Variants in RABGAP1L observed in about 807,000 individuals in gnomAD.
The protein encoded by RABGAP1L is RAB GTPase activating protein 1 like, also known as rab GTPase-activating protein 1-like.
Under a neutral mutation model 137.7 loss-of-function variants are expected in RABGAP1L, and 63 were observed. That is an observed-to-expected ratio of 0.46 (90% CI 0.37 to 0.56). The LOEUF (loss-of-function observed/expected upper bound fraction) is 0.56. RABGAP1L is among the 20% of genes least tolerant of loss of function. The probability of loss-of-function intolerance (pLI) is 0.00; values close to 1 mark genes in which losing one functional copy is unlikely to be tolerated. For synonymous variants in RABGAP1L, 431 were observed against 433.7 expected, an observed-to-expected ratio of 0.99 and a Z score of 0.08; for missense variants, 1,095 against 1,244.0, an observed-to-expected ratio of 0.88 and a Z score of 1.80.
intron 1 of RABGAP1L, among the ~76,000 whole-genome samples, chr1:174,203,593 CT>C (rs1468957434): frequency 6.6e-6 from 1 of 152,050 alleles, no homozygotes; most frequent in Non-Finnish European, 1.5e-5. Flanking sequence ...TGTTCAGGTT[CT>C]TTTTTTGGTT....
chr1:174,339,423 T>C (rs1351379764), intron 11 of RABGAP1L, among the ~76,000 whole-genome samples: 1 of 152,174 alleles, frequency 6.6e-6, no homozygotes, highest in Non-Finnish European at 1.5e-5. Flanking sequence ...GTTGTCAGTA[T>C]TCAGGGCTAT....
At chr1:174,397,277 A>C (rs1221776938) in intron 13 of RABGAP1L, among the ~76,000 whole-genome samples, 2 of 152,234 alleles carry the variant, frequency 1.3e-5, no homozygotes, top group African/African-American at 2.4e-5. Flanking sequence ...ACTTTCTGCC[A>C]GTGAAGATTG....
chr1:174,420,995 A>T (rs10798313), intron 13 of RABGAP1L, among the ~76,000 whole-genome samples: 2 of 151,978 alleles, frequency 1.3e-5, no homozygotes, highest in African/African-American at 2.4e-5. Context: ...TTTATAGGGC[A>T]TGAAGCTTAT....
At chr1:174,590,506 C>G (rs568925519) in intron 13 of RABGAP1L, among the ~76,000 whole-genome samples, 1 of 94,308 alleles carries the variant, frequency 1.1e-5, no homozygotes, top group Non-Finnish European at 2.0e-5. Flanking sequence ...CCCCCTCCCC[C>G]GACCCCACCA....
intron 3 of RABGAP1L, among the ~76,000 whole-genome samples, chr1:174,230,438 G>A (rs12076453): frequency 0.37 from 56,324 of 152,036 alleles, 12,736 homozygotes; most frequent in African/African-American, 0.63. Context: ...TTATGCATTC[G>A]TCTTAGTGTA....
intron 18 of RABGAP1L, among the ~76,000 whole-genome samples, chr1:174,779,617 A>C (rs914765953): frequency 6.6e-6 from 1 of 152,280 alleles, no homozygotes; most frequent in Non-Finnish European, 1.5e-5. Context: ...CAAGGTTTGA[A>C]GTAGTTTGGA....
intron 10 of RABGAP1L, among the ~76,000 whole-genome samples, chr1:174,293,018 C>A (rs1317531008): frequency 6.6e-6 from 1 of 152,000 alleles, no homozygotes; most frequent in Non-Finnish European, 1.5e-5. Flanking sequence ...GGTGGTGGAC[C>A]AGGAATTGAA....
At chr1:174,878,487 A>G (rs763631583) in intron 19 of RABGAP1L, among the ~76,000 whole-genome samples, 4 of 152,160 alleles carry the variant, frequency 2.6e-5, no homozygotes, top group Non-Finnish European at 4.4e-5. Context: ...CACCTCCCAA[A>G]GTGCTGGGAT....
chr1:174,200,219 C>G (rs1668001768), intron 1 of RABGAP1L, among the ~76,000 whole-genome samples: 1 of 152,194 alleles, frequency 6.6e-6, no homozygotes, highest in Non-Finnish European at 1.5e-5. Flanking sequence ...TGCTTATGAA[C>G]TACAAAAGGA....
intron 13 of RABGAP1L, among the ~76,000 whole-genome samples, chr1:174,434,150 CA>C (rs1406625051): frequency 4.0e-5 from 6 of 150,986 alleles, no homozygotes; most frequent in East Asian, 1.9e-4. Context: ...CACACACACA[CA>C]CCCTGCCTGG....
chr1:174,947,478 C>T (rs540267960), intron 19 of RABGAP1L, among the ~76,000 whole-genome samples: 47 of 151,958 alleles, frequency 3.1e-4, no homozygotes, highest in African/African-American at 9.2e-4. Flanking sequence ...AGTACAATGC[C>T]GCGATCTTGG....
At chr1:174,453,564 G>T (rs1292196088) in intron 13 of RABGAP1L, among the ~76,000 whole-genome samples, 1 of 152,112 alleles carries the variant, frequency 6.6e-6, no homozygotes, top group Non-Finnish European at 1.5e-5. Context: ...GGGCCATTTT[G>T]GTGCATAGGA....
intron 12 of RABGAP1L, among the ~76,000 whole-genome samples, chr1:174,392,634 A>G (rs1647291410): frequency 6.6e-6 from 1 of 152,192 alleles, no homozygotes; most frequent in African/African-American, 2.4e-5. Context: ...TGGAAGTTTT[A>G]GTTTTTTTCT....
At position 174,252,288 on chromosome 1, in the gene RABGAP1L, G is replaced by A. The variant is rs1356910237; in HGVS notation, c.876-192G>A. Among the ~76,000 whole-genome samples, 3 of 152,142 alleles carry A rather than the reference G, an allele frequency of 2.0e-5. No homozygotes were observed. The East Asian group carries it at 5.8e-4, about 29-fold the overall frequency. ...CAATTTAGAAATTAATAATGACTGT[G>A]TTGCTGACTATAAAGTTTATAGTCA... On this transcript the variant is annotated intron_variant, in intron 6 of 25. Coordinates refer to ENST00000681986, the MANE Select transcript of RABGAP1L (RefSeq NM_001366446.1).
intron 15 of RABGAP1L, among the ~76,000 whole-genome samples, chr1:174,690,159 G>A (rs1176819169): frequency 6.6e-6 from 1 of 152,092 alleles, no homozygotes; most frequent in East Asian, 1.9e-4. Flanking sequence ...TCTTTCAAAG[G>A]ATACTGAAAA....
Position 174,735,877 on chromosome 1 carries a change from C to T in RABGAP1L, c.2170-16436C>T, listed in dbSNP as rs79197446. Among the ~76,000 whole-genome samples the T allele has an allele frequency of 4.1e-3, 623 of 152,226 alleles. 6 individuals carry two copies. Among genetic ancestry groups the T allele is most frequent in the African/African-American group, 0.012 (506 of 41,532 alleles). On this transcript the variant is annotated intron_variant, in intron 17 of 25. Coordinates refer to ENST00000681986, the MANE Select transcript of RABGAP1L (RefSeq NM_001366446.1). ...CACCAGAGCCAGAATTCACTCATCA[C>T]CAAGGGGATGGAGCTAAGCCCATTC...
Position 174,538,021 on chromosome 1 carries a change from A to T in RABGAP1L, c.1711-99354A>T, listed in dbSNP as rs74327497. On this transcript the variant is annotated intron_variant, in intron 13 of 25. Coordinates refer to ENST00000681986, the MANE Select transcript of RABGAP1L (RefSeq NM_001366446.1). ...ATTTCCTTATTTTCTTTAGAAACAA[A>T]TTCAGAACTCCTTAGCTTACCTGGT... 1.8e-3 allele frequency among the ~76,000 whole-genome samples: 272 copies of T among 152,292 alleles called. 3 individuals carry two copies. The East Asian group carries it at 0.04, about 22-fold the overall frequency.
At chr1:174,598,657 A>G (rs1238694740) in intron 13 of RABGAP1L, among the ~76,000 whole-genome samples, 2 of 151,976 alleles carry the variant, frequency 1.3e-5, no homozygotes, top group African/African-American at 4.8e-5. Context: ...TTATATAATG[A>G]CCTTTTGGTC....
chr1:174,893,887 AAT>A (rs1656688819), intron 19 of RABGAP1L, among the ~76,000 whole-genome samples: 1 of 152,218 alleles, frequency 6.6e-6, no homozygotes, highest in Non-Finnish European at 1.5e-5. Flanking sequence ...TATACAAATT[AAT>A]ATCTCCAAGT....
Sources: allele counts gnomAD v4.1 joint callset (sites outside exome capture counted in the v4.1 genomes callset), GRCh38; gene constraint gnomAD v4.1.1; transcripts MANE v1.5; gene names NCBI Gene and HGNC (gene_info 2026-07-23, HGNC 2026-07-21).